The following LPIN1 variants were observed in gnomAD, a reference collection of about 807,000 sequenced individuals.
The protein encoded by LPIN1 is phosphatidate phosphatase LPIN1.
Under a neutral mutation model 107.5 loss-of-function variants are expected in LPIN1, and 71 were observed. The observed-to-expected ratio is 0.66, with a 90% CI of 0.55 to 0.80. The LOEUF is 0.80. LPIN1 is among the 30% of genes least tolerant of loss of function. The pLI, the probability that LPIN1 is intolerant of heterozygous loss-of-function variation, is 0.00. For missense variants in LPIN1, 1,043 were observed against 1,160.6 expected, an observed-to-expected ratio of 0.90 and a Z score of 1.47; for synonymous variants, 445 against 452.6, an observed-to-expected ratio of 0.98 and a Z score of 0.21.
At chr2:11,763,442 C>T (rs1008852398) in intron 1 of LPIN1, among the ~76,000 whole-genome samples, 4 of 152,180 alleles carry the variant, frequency 2.6e-5, no homozygotes, top group African/African-American at 9.6e-5. Context: ...AAAAGAAGGG[C>T]ATAACACGGC....
At chr2:11,792,076 A>G in intron 13 of LPIN1, 70 bp downstream of exon 13, 1 of 1,268,412 alleles carries the variant, frequency 7.9e-7, no homozygotes, top group Non-Finnish European at 1.1e-6. Context: ...ATTGGTTTTC[A>G]TGTACTTACA....
intron 1 of LPIN1, among the ~76,000 whole-genome samples, chr2:11,690,500 T>C (rs1662215524): frequency 6.6e-6 from 1 of 152,190 alleles, no homozygotes; most frequent in African/African-American, 2.4e-5. Context: ...TCATCACTCG[T>C]TCATCAATTT....
Position 11,825,991 on chromosome 2 carries a change from C to T in LPIN1, c.*1200C>T, listed in dbSNP as rs747414486. 2 of 152,248 alleles carry T rather than the reference C, an allele frequency of 1.3e-5. No homozygotes were observed. The highest frequency in any genetic ancestry group is 6.5e-5 in the Admixed American group (1 of 15,284). The allele number at this position is 152,248 out of a possible 1,614,324, so 9.4% of individuals were successfully genotyped here. On this transcript the variant is annotated 3_prime_UTR_variant, in exon 21 of 21. Coordinates refer to ENST00000674199, the MANE Select transcript of LPIN1 (RefSeq NM_001349206.2). This position sits in a 1 kb window ranked among gnomAD's most constrained non-coding sequence, Gnocchi z 4.1. The stretch of plus-strand genomic sequence containing the variant: ...TTTTTCCACTCAAATTAAGGGCAAG[C>T]GAAAAAGTAATAATTTGGCATTCTT...
At chr2:11,704,275 A>G (rs1047276567) in intron 1 of LPIN1, among the ~76,000 whole-genome samples, 19 of 152,378 alleles carry the variant, frequency 1.2e-4, no homozygotes, top group African/African-American at 4.1e-4. Flanking sequence ...ATTTGAAGCC[A>G]TCTTTAATCT....
chr2:11,711,769 T>G (rs964455292), intron 1 of LPIN1, among the ~76,000 whole-genome samples: 1 of 152,192 alleles, frequency 6.6e-6, no homozygotes. Context: ...AGAATAACCT[T>G]CAAATTCACT....
intron 1 of LPIN1, among the ~76,000 whole-genome samples, chr2:11,695,840 T>C (rs373921663): frequency 1.3e-5 from 2 of 152,246 alleles, no homozygotes; most frequent in East Asian, 3.9e-4. Context: ...CATTTTGGGT[T>C]GGTCTGTTGG....
At chr2:11,754,524 T>C (rs926067292) in intron 1 of LPIN1, among the ~76,000 whole-genome samples, 6 of 152,232 alleles carry the variant, frequency 3.9e-5, no homozygotes, top group African/African-American at 1.4e-4. Context: ...TGACTTTACC[T>C]TCTGAGAGGC....
chr2:11,799,583 A>G (rs1423593413), intron 14 of LPIN1, among the ~76,000 whole-genome samples: 5 of 152,076 alleles, frequency 3.3e-5, no homozygotes, highest in African/African-American at 9.6e-5. Context: ...CATGGTTCAT[A>G]GGATCCGTAG....
intron 1 of LPIN1, among the ~76,000 whole-genome samples, chr2:11,758,146 C>T (rs939845496): frequency 1.1e-4 from 17 of 152,106 alleles, no homozygotes; most frequent in Non-Finnish European, 1.9e-4. Flanking sequence ...ATGGATGGAC[C>T]GCATTTTGCT....
In LPIN1 at chr2:11,815,239, A is replaced by G; in HGVS notation, c.2401A>G (p.Arg801Gly). ...CAGCAGCCTCTTCTCTGCCCTGCAC[A>G]GGTACCAGGCCTGCTCCCTGCACCT... Reference protein sequence around the residue: ...SPSSLFSALHREVIEKKPEKF... With the variant: ...SPSSLFSALHGEVIEKKPEKF... The change falls in exon 18 of 21, where the codon AGA becomes GGA. Residue 801 changes from arginine (R) to glycine (G), a missense_variant and splice_region_variant. By Grantham distance (125) the Arg-to-Gly change is moderately radical (BLOSUM62 -2). Coordinates refer to ENST00000674199, the MANE Select transcript of LPIN1 (RefSeq NM_001349206.2). 1 of 1,613,938 alleles carries G rather than the reference A, an allele frequency of 6.2e-7. No homozygotes were observed. Among genetic ancestry groups the G allele is most frequent in the South Asian group, 1.1e-5 (1 of 91,066 alleles).
chr2:11,746,969 C>T (rs1667046909), intron 1 of LPIN1, among the ~76,000 whole-genome samples: 1 of 152,200 alleles, frequency 6.6e-6, no homozygotes, highest in African/African-American at 2.4e-5. Context: ...TGATCTCGAG[C>T]GGCGTAGGGG....
In LPIN1 at chr2:11,765,650, C is replaced by T. The variant is rs780938311; in HGVS notation, c.109C>T (p.Arg37Cys). 13 of 1,613,998 alleles carry T rather than the reference C, an allele frequency of 8.1e-6. No homozygotes were observed. Among genetic ancestry groups the T allele is most frequent in the East Asian group, 2.2e-5 (1 of 44,886 alleles). Residue 37 changes from arginine (R) to cysteine (C), a missense_variant, in exon 2 of 21, where the codon CGC becomes TGC. Transcript: ENST00000674199. The surrounding 1 kb of genome is among the most constrained non-coding windows in gnomAD (Gnocchi z 4.4). The part of the protein sequence containing the change: ...LSGCIDIIVI[R>C]QPNGNLQCSP... Reference sequence around the variant, plus strand: ...AGGGTGCATTGACATCATTGTCATCCGCCAGCCCAATGGAAACCTCCAATG... The same window carrying T: ...AGGGTGCATTGACATCATTGTCATCTGCCAGCCCAATGGAAACCTCCAATG...
chr2:11,709,727 T>C (rs1162805954), intron 1 of LPIN1, among the ~76,000 whole-genome samples: 1 of 152,234 alleles, frequency 6.6e-6, no homozygotes, highest in South Asian at 2.1e-4. Flanking sequence ...GACAACCCAT[T>C]TGTAAACTGG....
intron 1 of LPIN1, among the ~76,000 whole-genome samples, chr2:11,712,848 C>G (rs1388290191): frequency 2.6e-5 from 4 of 152,208 alleles, no homozygotes; most frequent in Non-Finnish European, 5.9e-5. Context: ...GTAGTTCTAA[C>G]TGGGACACTT....
rs936205409 is a variant in LPIN1, at chr2:11,826,994, G to A, written c.*2203G>A. ...AGATTTGTATATGGGCTGCACTCAC[G>A]CATATACGAGTTGGTTTATCTTTGT... On this transcript the variant is annotated 3_prime_UTR_variant, in exon 21 of 21. Transcript: ENST00000674199. 5 of 152,626 alleles carry A rather than the reference G, an allele frequency of 3.3e-5. No individual in the cohort carries two copies. The highest frequency in any genetic ancestry group is 9.7e-5 in the African/African-American group (4 of 41,444). The allele number at this position is 152,626 out of a possible 1,614,324, so 9.5% of individuals were successfully genotyped here.
chr2:11,778,319 G>A (rs1425204716), intron 6 of LPIN1, among the ~76,000 whole-genome samples: 1 of 152,210 alleles, frequency 6.6e-6, no homozygotes, highest in East Asian at 1.9e-4. Context: ...GAAGGGCTGG[G>A]AGTCATGGGC....
chr2:11,742,856 G>A (rs540814527), upstream of LPIN1, among the ~76,000 whole-genome samples: 3 of 152,354 alleles, frequency 2.0e-5, no homozygotes, highest in East Asian at 1.9e-4. Flanking sequence ...GCCCACCAGC[G>A]GCCAGCCACG....
chr2:11,771,802 C>A lies in LPIN1; in HGVS notation c.596+123C>A. On this transcript the variant is annotated intron_variant, in intron 4 of 20. Transcript: ENST00000674199. This position sits in a 1 kb window ranked among gnomAD's most constrained non-coding sequence, Gnocchi z 4.8. ...TTATGTGTTTTAGACCAGTGGTCCC[C>A]AACCTTTTTGGCACTAGGGACCAGT... 2 of 1,090,272 alleles carry A rather than the reference C, an allele frequency of 1.8e-6. No individual in the cohort carries two copies. The highest frequency in any genetic ancestry group is 1.3e-6 in the Non-Finnish European group (1 of 763,452). The allele number at this position is 1,090,272 out of a possible 1,614,324, so 67.5% of individuals were successfully genotyped here. A position where few individuals can be genotyped will look rare whatever the true frequency, so the allele number is the denominator to read the frequency against.
chr2:11,824,561 A>G, intron 20 of LPIN1, 71 bp from the exon 21 acceptor site: 3 of 1,529,114 alleles, frequency 2.0e-6, no homozygotes, highest in Non-Finnish European at 2.7e-6. Context: ...ATCTCTCTTG[A>G]CTTCTACGTG....
Sources: gnomAD v4.1 joint callset for allele counts (sites outside exome capture counted in the v4.1 genomes callset) on GRCh38, gnomAD v4.1.1 for gene constraint, Gnocchi (gnomAD v3.1) non-coding constraint, MANE v1.5 for transcripts, NCBI Gene and HGNC (gene_info 2026-07-23, HGNC 2026-07-21) for gene names.